Variants in CACNA2D3 observed in about 807,000 individuals in gnomAD.
CACNA2D3 encodes the protein voltage-dependent calcium channel subunit alpha-2/delta-3.
CACNA2D3 carries 60 observed loss-of-function variants against 160.6 expected under a neutral mutation model. The observed-to-expected ratio is 0.37, with a 90% CI of 0.30 to 0.46. The LOEUF is 0.46. Among genes scored for constraint, CACNA2D3 ranks in the 20% least tolerant of loss-of-function variants. The pLI is 1.00. For synonymous variants in CACNA2D3, 558 were observed against 492.9 expected, an observed-to-expected ratio of 1.13 and a Z score of -1.75; for missense variants, 1,205 against 1,365.0, an observed-to-expected ratio of 0.88 and a Z score of 1.85.
chr3:54,626,572 A>G, intron 9 of CACNA2D3: 5 of 1,574,974 alleles, frequency 3.2e-6, no homozygotes, highest in South Asian at 1.1e-5. Flanking sequence ...CGAGTTCTCC[A>G]TCACCTACAA....
intron 6 of CACNA2D3, among the ~76,000 whole-genome samples, chr3:54,567,884 C>T (rs764506953): frequency 1.1e-4 from 17 of 152,288 alleles, no homozygotes; most frequent in Non-Finnish European, 1.6e-4. Context: ...GAAAACACTG[C>T]GCTTTAAAGA....
chr3:54,905,350 T>C (rs1388609245), intron 27 of CACNA2D3, among the ~76,000 whole-genome samples: 1 of 152,208 alleles, frequency 6.6e-6, no homozygotes, highest in Non-Finnish European at 1.5e-5. Flanking sequence ...AAGTATGTGG[T>C]ATTTAATCTG....
At chr3:54,150,589 C>T (rs962100585) in intron 2 of CACNA2D3, among the ~76,000 whole-genome samples, 5 of 152,186 alleles carry the variant, frequency 3.3e-5, no homozygotes, top group African/African-American at 1.2e-4. Flanking sequence ...ATGGTAAATC[C>T]TCAATAAATG....
At chr3:54,272,149 C>G (rs1309717895) in intron 2 of CACNA2D3, among the ~76,000 whole-genome samples, 2 of 152,288 alleles carry the variant, frequency 1.3e-5, no homozygotes, top group Non-Finnish European at 2.9e-5. Context: ...CCCGCCACCC[C>G]CCATCCACAA....
intron 25 of CACNA2D3, among the ~76,000 whole-genome samples, chr3:54,893,700 C>G (rs77114421): frequency 1.3e-5 from 2 of 152,072 alleles, no homozygotes; most frequent in Non-Finnish European, 2.9e-5. Context: ...GTCTCCTACA[C>G]TGAGATTTCA....
chr3:54,963,046 C>T (rs1702068566), intron 27 of CACNA2D3, among the ~76,000 whole-genome samples: 1 of 152,164 alleles, frequency 6.6e-6, no homozygotes, highest in Non-Finnish European at 1.5e-5. Context: ...TGCATGATTT[C>T]ATCTTGAATG....
At chr3:54,642,323 C>CACTTA in intron 11 of CACNA2D3, 82 bp downstream of exon 11, 6 of 737,524 alleles carry the variant, frequency 8.1e-6, no homozygotes, top group Non-Finnish European at 1.3e-5. Flanking sequence ...TGAGTAAGTG[C>CACTTA]CTCATGTAGA....
intron 8 of CACNA2D3, among the ~76,000 whole-genome samples, chr3:54,570,837 G>A (rs1702484494): frequency 6.6e-6 from 1 of 152,050 alleles, no homozygotes; most frequent in African/African-American, 2.4e-5. Context: ...ACTTATTCAG[G>A]TGTCCATCTT....
intron 4 of CACNA2D3, among the ~76,000 whole-genome samples, chr3:54,472,706 A>G (rs1225194710): frequency 3.3e-5 from 5 of 152,224 alleles, no homozygotes; most frequent in African/African-American, 7.2e-5. Context: ...TACAAAATCA[A>G]TGTGCAAAAA....
intron 2 of CACNA2D3, among the ~76,000 whole-genome samples, chr3:54,310,404 G>A (rs1054254329): frequency 8.5e-5 from 13 of 152,152 alleles, no homozygotes; most frequent in East Asian, 3.9e-4. Context: ...AGAAAACGAC[G>A]CTGTCTGTAA....
rs368005478 is a variant in CACNA2D3, at chr3:54,551,082, G to A, written c.545-11718G>A. Among the ~76,000 whole-genome samples the A allele has an allele frequency of 2.6e-5, 4 of 152,202 alleles. No individual in the cohort carries two copies. In the East Asian group the frequency reaches 5.8e-4, roughly 22 times the overall value. On this transcript the variant is annotated intron_variant, in intron 5 of 37. Coordinates refer to ENST00000474759, the MANE Select transcript of CACNA2D3 (RefSeq NM_018398.3). ...CTCCTCTTGAGATTGAGGACAGACT[G>A]CAGACCCAGGTCTGCAAAGCCCTAC...
At chr3:54,278,812 C>T (rs1258299858) in intron 2 of CACNA2D3, among the ~76,000 whole-genome samples, 2 of 151,842 alleles carry the variant, frequency 1.3e-5, no homozygotes, top group Non-Finnish European at 1.5e-5. Flanking sequence ...GGGAGGGGAA[C>T]ATCACACACC....
chr3:54,774,554 A>G (rs1163939969), intron 13 of CACNA2D3, among the ~76,000 whole-genome samples: 4 of 151,926 alleles, frequency 2.6e-5, no homozygotes, highest in Admixed American at 2.6e-4. Context: ...AATTTGATAC[A>G]AGATTTGGGT....
At chr3:54,451,332 C>T (rs1471723998) in intron 4 of CACNA2D3, among the ~76,000 whole-genome samples, 1 of 136,220 alleles carries the variant, frequency 7.3e-6, no homozygotes, top group Non-Finnish European at 1.5e-5. Context: ...TCACTGCAAG[C>T]TCTGCCTACC....
chr3:55,058,167 G>T (rs1217361576), intron 35 of CACNA2D3, among the ~76,000 whole-genome samples: 1 of 152,168 alleles, frequency 6.6e-6, no homozygotes, highest in Non-Finnish European at 1.5e-5. Context: ...TTGAATAGGG[G>T]TGGGAATTAT....
chr3:54,296,164 C>G (rs933906357), intron 2 of CACNA2D3, among the ~76,000 whole-genome samples: 27 of 152,270 alleles, frequency 1.8e-4, no homozygotes, highest in African/African-American at 6.5e-4. Context: ...TTGGAAGACG[C>G]CTGGGCACTG....
chr3:54,638,918 C>T (rs933558346), intron 10 of CACNA2D3: 4 of 151,818 alleles, frequency 2.6e-5, no homozygotes, highest in Middle Eastern at 3.2e-3. Context: ...AGAATACATG[C>T]TAAGGGAGAA....
At chr3:54,248,597 A>G (rs1702127611) in intron 2 of CACNA2D3, among the ~76,000 whole-genome samples, 2 of 152,220 alleles carry the variant, frequency 1.3e-5, no homozygotes, top group African/African-American at 2.4e-5. Context: ...CCACAGGCAC[A>G]GAGAAAAGAC....
At chr3:54,142,606 G>A (rs1699958056) in intron 2 of CACNA2D3, among the ~76,000 whole-genome samples, 1 of 152,118 alleles carries the variant, frequency 6.6e-6, no homozygotes, top group South Asian at 2.1e-4. Flanking sequence ...TGATGATGAT[G>A]ATGATGATAC....
Sources: gnomAD v4.1 joint callset for allele counts (sites outside exome capture counted in the v4.1 genomes callset) on GRCh38, gnomAD v4.1.1 for gene constraint, MANE v1.5 for transcripts, NCBI Gene and HGNC (gene_info 2026-07-23, HGNC 2026-07-21) for gene names.